The following PTPRN2 variants were observed in gnomAD, a reference collection of about 807,000 sequenced individuals.
PTPRN2 encodes protein tyrosine phosphatase receptor type N2.
PTPRN2 carries 74 observed loss-of-function variants against 118.8 expected under a neutral mutation model. The observed-to-expected ratio is 0.62, with a 90% CI of 0.52 to 0.76. The LOEUF is 0.76. Among genes scored for constraint, PTPRN2 ranks in the 30% least tolerant of loss-of-function variants. PTPRN2 has a pLI of 0.00. For missense variants in PTPRN2, 1,481 were observed against 1,394.4 expected (o/e 1.06, Z -0.99); for synonymous variants, 641 against 608.0 (o/e 1.05, Z -0.80).
intron 12 of PTPRN2, among the ~76,000 whole-genome samples, chr7:157,805,912 G>T (rs1264630561): frequency 2.6e-5 from 4 of 152,148 alleles, no homozygotes; most frequent in African/African-American, 9.7e-5. Flanking sequence ...TAGCGATGGG[G>T]TCTGGTGCTT....
At chr7:157,924,431 C>T (rs1264893200) in intron 11 of PTPRN2, among the ~76,000 whole-genome samples, 1 of 152,160 alleles carries the variant, frequency 6.6e-6, no homozygotes, top group African/African-American at 2.4e-5. Flanking sequence ...CTGCTCCTCC[C>T]GACACTGGTT....
rs547109797 is a variant in PTPRN2 at position 158,329,498 on chromosome 7, G to A, written c.164-12566C>T. On this transcript the variant is annotated intron_variant, in intron 2 of 22. Coordinates refer to ENST00000389418, the MANE Select transcript of PTPRN2 (RefSeq NM_002847.5). ...CTTCCTTACACAGGCCCCAAGGACGGCTCACGCTCCAGCCACATGAGGACA... is the reference window on the plus strand; with the variant it reads ...CTTCCTTACACAGGCCCCAAGGACGACTCACGCTCCAGCCACATGAGGACA... Among the ~76,000 whole-genome samples the A allele has an allele frequency of 3.9e-5, 6 of 152,260 alleles. No homozygotes were observed. In the South Asian group the frequency reaches 8.3e-4, roughly 21 times the overall value.
At chr7:157,943,264 T>C (rs1282721059) in intron 11 of PTPRN2, among the ~76,000 whole-genome samples, 1 of 152,146 alleles carries the variant, frequency 6.6e-6, no homozygotes, top group East Asian at 1.9e-4. Context: ...GCAAAGAACT[T>C]TGGGGCTTTG....
intron 18 of PTPRN2, among the ~76,000 whole-genome samples, 177 bp from the exon 19 acceptor site, chr7:157,576,956 T>TGTTA: frequency 6.6e-6 from 1 of 152,126 alleles, no homozygotes; most frequent in Non-Finnish European, 1.5e-5. Flanking sequence ...ACCTTCCCAG[T>TGTTA]GTTAACGCAC....
intron 3 of PTPRN2, among the ~76,000 whole-genome samples, chr7:158,301,416 A>G (rs1196967647): frequency 6.6e-6 from 1 of 152,220 alleles, no homozygotes; most frequent in Admixed American, 6.5e-5. Context: ...ATTCCCAAGC[A>G]GCTAACTAGA....
intron 12 of PTPRN2, among the ~76,000 whole-genome samples, chr7:157,883,791 A>T (rs923029554): frequency 6.7e-6 from 1 of 150,306 alleles, no homozygotes; most frequent in Admixed American, 6.6e-5. Context: ...CCAAAAAATG[A>T]CTGTCAGAGA....
intron 11 of PTPRN2, among the ~76,000 whole-genome samples, chr7:157,993,877 G>A (rs1266233076): frequency 6.6e-6 from 1 of 152,178 alleles, no homozygotes; most frequent in Admixed American, 6.5e-5. Flanking sequence ...GGCCTCGGAA[G>A]ACAAAACCCA....
intron 2 of PTPRN2, among the ~76,000 whole-genome samples, chr7:158,358,866 GC>G (rs1230488682): frequency 7.2e-5 from 11 of 152,214 alleles, no homozygotes; most frequent in African/African-American, 2.4e-4. Context: ...GGTGGTGATG[GC>G]TACACAGCAG....
chr7:157,551,418 C>T (rs1198673101), intron 21 of PTPRN2, among the ~76,000 whole-genome samples: 1 of 151,978 alleles, frequency 6.6e-6, no homozygotes, highest in Non-Finnish European at 1.5e-5. Flanking sequence ...TCAAGCTAAA[C>T]ACAGACCCCA....
chr7:158,208,168 A>AG (rs987236458), intron 3 of PTPRN2, among the ~76,000 whole-genome samples: 1 of 152,186 alleles, frequency 6.6e-6, no homozygotes, highest in Non-Finnish European at 1.5e-5. Context: ...AGCCTCAAAA[A>AG]GACAAATCTA....
chr7:158,341,453 C>A (rs1343457657), intron 2 of PTPRN2, among the ~76,000 whole-genome samples: 16 of 149,318 alleles, frequency 1.1e-4, no homozygotes, highest in African/African-American at 4.0e-4. Context: ...AGAGGTAACA[C>A]CTTCAGACGT....
chr7:158,567,916 A>G (rs949468986), intron 1 of PTPRN2, among the ~76,000 whole-genome samples: 1 of 152,218 alleles, frequency 6.6e-6, no homozygotes, highest in Non-Finnish European at 1.5e-5. Context: ...CCAACGTGCT[A>G]ACGACAGTCA....
intron 11 of PTPRN2, among the ~76,000 whole-genome samples, chr7:157,901,621 C>A (rs1797445017): frequency 6.6e-6 from 1 of 152,240 alleles, no homozygotes; most frequent in South Asian, 2.1e-4. Flanking sequence ...TCACAAAATT[C>A]CTGAGAAAGT....
chr7:157,844,212 G>A (rs746701664), intron 12 of PTPRN2, among the ~76,000 whole-genome samples: 1 of 152,216 alleles, frequency 6.6e-6, no homozygotes, highest in Non-Finnish European at 1.5e-5. Context: ...TGTGCAGCAC[G>A]TGTCTCTGCA....
intron 3 of PTPRN2, among the ~76,000 whole-genome samples, chr7:158,261,678 C>T (rs1050772265): frequency 2.0e-5 from 3 of 152,174 alleles, no homozygotes; most frequent in Admixed American, 6.5e-5. Flanking sequence ...AGGCTCCCCC[C>T]AGCACACATG....
chr7:158,265,300 A>G (rs1187067983), intron 3 of PTPRN2, among the ~76,000 whole-genome samples: 2 of 152,106 alleles, frequency 1.3e-5, no homozygotes, highest in Admixed American at 6.5e-5. Flanking sequence ...AGACACGAGC[A>G]CATACCTGCA....
rs974934420 is a variant in PTPRN2 at position 157,818,583 on chromosome 7, C to T, written c.1788+80090G>A. On this transcript the variant is annotated intron_variant, in intron 12 of 22. Transcript: ENST00000389418. ...TCCAGAAGGGCAGAGGCCACGACAC[C>T]GAGGCCCCCAGCTGGTGCCTCCTGT... 1.2e-4 allele frequency among the ~76,000 whole-genome samples: 18 copies of T among 152,036 alleles called. 1 individual carries two copies. The highest frequency in any genetic ancestry group is 4.1e-4 in the African/African-American group (17 of 41,386).
intron 12 of PTPRN2, among the ~76,000 whole-genome samples, chr7:157,758,071 C>G (rs1339924714): frequency 1.3e-5 from 2 of 152,172 alleles, no homozygotes; most frequent in Non-Finnish European, 2.9e-5. Flanking sequence ...GGTCTCGGGA[C>G]TGACGGCGCA....
chr7:158,226,088 AGCAG>A (rs1373636661), intron 3 of PTPRN2, among the ~76,000 whole-genome samples: 6 of 152,238 alleles, frequency 3.9e-5, no homozygotes, highest in African/African-American at 1.4e-4. Context: ...AAAGATACAT[AGCAG>A]TTTCTATTTG....
Sources: gnomAD v4.1 joint callset for allele counts (sites outside exome capture counted in the v4.1 genomes callset) on GRCh38, gnomAD v4.1.1 for gene constraint, MANE v1.5 for transcripts, NCBI Gene and HGNC (gene_info 2026-07-23, HGNC 2026-07-21) for gene names.